Variants in RFX7 observed in about 807,000 individuals in gnomAD.
RFX7 encodes regulatory factor X7.
In RFX7, 26 loss-of-function variants were observed where a neutral mutation model predicts 111.8. The observed-to-expected ratio is 0.23, with a 90% CI of 0.17 to 0.32. The LOEUF is 0.32. Ranked by LOEUF, RFX7 falls within the 10% of genes least tolerant of loss-of-function variation. The pLI is 1.00. For synonymous variants in RFX7, 624 were observed against 624.4 expected (o/e 1.00, Z 0.01); for missense variants, 1,573 against 1,772.9 (o/e 0.89, Z 2.02).
chr15:56,144,569 G>A (rs2042443257), intron 3 of RFX7, 86 bp from the exon 4 acceptor site: 4 of 502,144 alleles, frequency 8.0e-6, no homozygotes, highest in Admixed American at 2.5e-5. Flanking sequence ...CTCCCTAAAC[G>A]ATAATGACTA....
intron 2 of RFX7, among the ~76,000 whole-genome samples, chr15:56,227,757 AAT>A (rs1435430571): frequency 1.3e-5 from 2 of 152,296 alleles, no homozygotes; most frequent in East Asian, 3.9e-4. Context: ...AGATCAAGTA[AAT>A]ATAAGAAAAA....
At chr15:56,113,416 G>C (rs2041964578) in intron 5 of RFX7, among the ~76,000 whole-genome samples, 1 of 152,164 alleles carries the variant, frequency 6.6e-6, no homozygotes, top group South Asian at 2.1e-4. Context: ...ACCAAACACT[G>C]CATGTTCTTA....
rs781499238 is a variant in RFX7, at chr15:56,095,286, A to C, written c.2442T>G (p.Asn814Lys). Residue 814 changes from asparagine to lysine, a missense_variant, in exon 10 of 10, where the codon AAT (asparagine) becomes AAG (lysine). By Grantham distance (94) the Asn-to-Lys change is moderately conservative (BLOSUM62 0). Transcript: ENST00000559447. ...VMTIPEHSDI[N>K]DLEKSVWELE... The stretch of plus-strand genomic sequence containing the variant: ...ATTCCCAAACAGATTTCTCTAAGTC[A>C]TTGATATCAGAGTGCTCAGGAATTG... 6.2e-7 allele frequency: 1 copy of C among 1,613,984 alleles called. No individual in the cohort carries two copies. Among genetic ancestry groups the C allele is most frequent in the South Asian group, 1.1e-5 (1 of 91,070 alleles).
At chr15:56,125,610 AGTGT>A (rs10564650) in intron 5 of RFX7, among the ~76,000 whole-genome samples, 4,770 of 146,902 alleles carry the variant, frequency 0.032, 134 homozygotes, top group African/African-American at 0.082. Flanking sequence ...TGTGTGTGTG[AGTGT>A]GTGTGTGTGT....
At chr15:56,107,569 A>C (rs1595928616) in intron 5 of RFX7, among the ~76,000 whole-genome samples, 1 of 152,168 alleles carries the variant, frequency 6.6e-6, no homozygotes, top group Admixed American at 6.5e-5. Flanking sequence ...GTCATGGGAT[A>C]CCTAACCATA....
chr15:56,121,562 T>C (rs1298293366), intron 5 of RFX7, among the ~76,000 whole-genome samples: 2 of 152,170 alleles, frequency 1.3e-5, no homozygotes, highest in Admixed American at 6.5e-5. Context: ...GATATTGATA[T>C]CTCTCTCTAG....
intron 5 of RFX7, among the ~76,000 whole-genome samples, chr15:56,131,743 G>A (rs188385720): frequency 1.3e-5 from 2 of 152,268 alleles, no homozygotes; most frequent in African/African-American, 4.8e-5. Context: ...CTTACTGTAA[G>A]AGGAAATGAT....
intron 3 of RFX7, among the ~76,000 whole-genome samples, chr15:56,172,763 GT>G (rs2042859411): frequency 1.3e-5 from 2 of 152,158 alleles, no homozygotes; most frequent in Non-Finnish European, 2.9e-5. Context: ...TCTGAAACAG[GT>G]TTAGTGGAGA....
intron 2 of RFX7, among the ~76,000 whole-genome samples, chr15:56,197,425 G>A (rs1323377625): frequency 2.0e-5 from 3 of 151,952 alleles, no homozygotes; most frequent in African/African-American, 4.8e-5. Flanking sequence ...CTTCCTTACC[G>A]TGAGCTCCCA....
Position 56,101,461 on chromosome 15 carries a change from G to C in RFX7, c.709C>G (p.Pro237Ala). ...CEWAQKVLSQPFDTVLELARF... is the reference protein window; with the variant it reads ...CEWAQKVLSQAFDTVLELARF... The stretch of plus-strand genomic sequence containing the variant: ...GCTAATTCCAAGACGGTGTCAAATG[G>C]TTGGCTTAACACTTTCTGGGCCCAC... Residue 237 changes from proline (P) to alanine (A), a missense_variant, in exon 8 of 10, where the codon CCA becomes GCA. Coordinates refer to ENST00000559447, the MANE Select transcript of RFX7 (RefSeq NM_022841.7). 2 of 1,613,536 alleles carry C rather than the reference G, an allele frequency of 1.2e-6. No individual in the cohort carries two copies. The highest frequency in any genetic ancestry group is 1.7e-6 in the Non-Finnish European group (2 of 1,179,746).
intron 5 of RFX7, among the ~76,000 whole-genome samples, chr15:56,113,932 T>C (rs1287037537): frequency 6.6e-6 from 1 of 152,128 alleles, no homozygotes; most frequent in Non-Finnish European, 1.5e-5. Flanking sequence ...AAACAAAACA[T>C]TTGCTAGACA....
chr15:56,118,975 G>A (rs2042042527), intron 5 of RFX7, among the ~76,000 whole-genome samples: 1 of 152,028 alleles, frequency 6.6e-6, no homozygotes, highest in East Asian at 1.9e-4. Flanking sequence ...ATGCCTTTTT[G>A]CCATCTGTAT....
chr15:56,229,026 G>GT (rs1180866694), intron 2 of RFX7, among the ~76,000 whole-genome samples: 1 of 152,182 alleles, frequency 6.6e-6, no homozygotes, highest in African/African-American at 2.4e-5. Flanking sequence ...ACCTAACTGT[G>GT]ATGACTATCA....
chr15:56,196,648 G>A (rs2043148367), intron 2 of RFX7, among the ~76,000 whole-genome samples: 1 of 151,762 alleles, frequency 6.6e-6, no homozygotes, highest in African/African-American at 2.4e-5. Flanking sequence ...CAACCCTGCT[G>A]GCACCTTGAT....
intron 6 of RFX7, 147 bp from the exon 7 acceptor site, chr15:56,102,400 A>G (rs1435588080): frequency 9.5e-6 from 5 of 524,440 alleles, no homozygotes; most frequent in Non-Finnish European, 1.3e-5. Context: ...GAAAAACCTT[A>G]ATATTAAAAA....
chr15:56,194,009 T>C (rs1458403960), intron 2 of RFX7, among the ~76,000 whole-genome samples: 2 of 152,138 alleles, frequency 1.3e-5, no homozygotes, highest in African/African-American at 4.8e-5. Context: ...TTAGCAGTCA[T>C]GGGCCAAACA....
Position 56,093,665 on chromosome 15 carries a change from T to G in RFX7, c.4063A>C (p.Ser1355Arg). ...TGGTTGGTTTGCAAGCTGTCTCCAC[T>G]CAACAGGTCTTTAACAGTGCTATTG... ...DFNSTVKDLL[S>R]GDSLQTNQQL... The change falls in exon 10 of 10, where the codon AGT becomes CGT. Residue 1355 changes from serine (S) to arginine (R), a missense_variant. Ser to Arg is a moderately radical substitution (Grantham distance 110). This residue lies in a region of RFX7 where 411 missense variants were observed against 478.1 expected (regional missense o/e 0.86). Transcript: ENST00000559447. The G allele has an allele frequency of 6.2e-7, 1 of 1,613,914 alleles. No individual in the cohort carries two copies. The highest frequency in any genetic ancestry group is 2.2e-5 in the East Asian group (1 of 44,882).
intron 3 of RFX7, among the ~76,000 whole-genome samples, chr15:56,164,150 CA>C (rs1223067725): frequency 1.4e-4 from 22 of 152,202 alleles, no homozygotes; most frequent in African/African-American, 5.3e-4. Context: ...AAAGAGAAAA[CA>C]AATACCTAAG....
intron 3 of RFX7, among the ~76,000 whole-genome samples, chr15:56,146,917 A>C (rs895622969): frequency 2.6e-5 from 4 of 152,220 alleles, no homozygotes; most frequent in African/African-American, 9.6e-5. Context: ...GGCTGGGCTC[A>C]TCATCAAGAT....
Sources: gnomAD v4.1 joint callset for allele counts (sites outside exome capture counted in the v4.1 genomes callset) on GRCh38, gnomAD v4.1.1 for gene constraint, gnomAD v4.1.1 regional missense constraint, MANE v1.5 for transcripts, NCBI Gene and HGNC (gene_info 2026-07-23, HGNC 2026-07-21) for gene names.